PCNT: variants seen among roughly 807,000 people sequenced by gnomAD.
PCNT encodes pericentrin.
Under a neutral mutation model 380.4 loss-of-function variants are expected in PCNT, and 319 were observed. That is an observed-to-expected ratio of 0.84 (90% CI 0.77 to 0.92). The LOEUF is 0.92. Ranked by LOEUF, PCNT falls within the 40% of genes least tolerant of loss-of-function variation. PCNT has a pLI of 0.00. For synonymous variants in PCNT, 1,845 were observed against 1,735.2 expected, an observed-to-expected ratio of 1.06 and a Z score of -1.57; for missense variants, 4,400 against 4,255.3, an observed-to-expected ratio of 1.03 and a Z score of -0.95.
rs1031342257 is a variant in PCNT at position 46,325,032 on chromosome 21, A to G, written c.54+750A>G. On this transcript the variant is annotated intron_variant, in intron 1 of 46. Transcript: ENST00000359568. ...GCGGCGCTGGCGCCGGGCGCCTTCA[A>G]GGGACGCGCTCCCGTCTTTCTCCCG... The G allele has an allele frequency of 5.1e-6, 5 of 985,292 alleles. No homozygotes were observed. The Admixed American group carries it at 1.8e-4, about 36-fold the overall frequency. The allele number at this position is 985,292 out of a possible 1,614,324, so 61.0% of individuals were successfully genotyped here.
At chr21:46,422,647 A>G (rs2087303275) in intron 32 of PCNT, among the ~76,000 whole-genome samples, 1 of 152,238 alleles carries the variant, frequency 6.6e-6, no homozygotes, top group South Asian at 2.1e-4. Context: ...AAACTTGGCT[A>G]AACAAGTGAG....
Position 46,428,545 on chromosome 21 carries a change from G to A in PCNT, c.7645G>A (p.Ala2549Thr), listed in dbSNP as rs2839256. 0.09 allele frequency: 145,449 copies of A among 1,607,914 alleles called. 11,990 individuals carry two copies. Among genetic ancestry groups the A allele is most frequent in the African/African-American group, 0.44 (33,167 of 74,982 alleles). ...GCACTTGCGCACGGCGCTGACAAGCGCAGAGGCGCGCGGGAGCCAGCAGGA... is the reference window on the plus strand; with the variant it reads ...GCACTTGCGCACGGCGCTGACAAGCACAGAGGCGCGCGGGAGCCAGCAGGA... ...LQHLRTALTS[A>T]EARGSQQEHQ... The change falls in exon 35 of 47, where the codon GCA (alanine) becomes ACA (threonine). Residue 2549 changes from alanine (A) to threonine (T), a missense_variant. By Grantham distance (58) the Ala-to-Thr change is moderately conservative (BLOSUM62 0). Transcript: ENST00000359568.
At chr21:46,374,749 T>C (rs2085277441) in intron 15 of PCNT, among the ~76,000 whole-genome samples, 1 of 149,192 alleles carries the variant, frequency 6.7e-6, no homozygotes. Context: ...CTCGGGAGGC[T>C]GAGGCAAGAG....
intron 6 of PCNT, among the ~76,000 whole-genome samples, chr21:46,348,484 T>G (rs1311794438): frequency 1.3e-5 from 2 of 152,164 alleles, no homozygotes; most frequent in Non-Finnish European, 2.9e-5. Context: ...TGTTTTGTGG[T>G]GGGTGGTCCT....
intron 21 of PCNT, among the ~76,000 whole-genome samples, chr21:46,394,179 T>C (rs1468788693): frequency 6.6e-6 from 1 of 152,264 alleles, no homozygotes; most frequent in African/African-American, 2.4e-5. Context: ...GCCTAGGCTC[T>C]GACGGTGGCG....
intron 1 of PCNT, among the ~76,000 whole-genome samples, chr21:46,324,563 C>CGGG (rs1157871414): frequency 4.2e-5 from 3 of 71,802 alleles, no homozygotes; most frequent in African/African-American, 1.8e-4. Context: ...GCGCCTGCGT[C>CGGG]GGGGGGGGTG....
chr21:46,363,918 A>C lies in PCNT; in HGVS notation c.2593A>C (p.Met865Leu). 1 of 1,608,760 alleles carries C rather than the reference A, an allele frequency of 6.2e-7. No individual in the cohort carries two copies. The highest frequency in any genetic ancestry group is 8.5e-7 in the Non-Finnish European group (1 of 1,179,812). Residue 865 changes from methionine to leucine, a missense_variant, in exon 14 of 47, where the codon ATG (methionine) becomes CTG (leucine). Coordinates refer to ENST00000359568, the MANE Select transcript of PCNT (RefSeq NM_006031.6). ...HVKEDCALQL[M>L]LARSRFLEER... ...GAAGGAAGACTGCGCCCTGCAGCTG[A>C]TGCTGGCCCGGAGCAGGTGGGTTTG...
In PCNT at chr21:46,403,014, C is replaced by T. The variant is rs138244234; in HGVS notation, c.5115+531C>T. Among the ~76,000 whole-genome samples, 759 of 152,352 alleles carry T rather than the reference C, an allele frequency of 5.0e-3. 14 individuals are homozygous for T. The highest frequency in any genetic ancestry group is 0.012 in the East Asian group (61 of 5,188). Reference sequence around the variant, plus strand: ...AGCAAAAAAGAAAACCAAAACCAACCTGTTTATAGTAGAGATGATATTCAA... The same window carrying T: ...AGCAAAAAAGAAAACCAAAACCAACTTGTTTATAGTAGAGATGATATTCAA... On this transcript the variant is annotated intron_variant, in intron 27 of 46. Transcript: ENST00000359568.
Position 46,416,046 on chromosome 21 carries a change from C to T in PCNT, c.6151-23C>T, listed in dbSNP as rs1030740660. ...CTGGTGAGCCAGGTATTCCACCGTG[C>T]ACCTGTTCTGTTTCACCTGCAGGGT... On this transcript the variant is annotated intron_variant, in intron 29 of 46. Coordinates refer to ENST00000359568, the MANE Select transcript of PCNT (RefSeq NM_006031.6). 5 of 1,613,236 alleles carry T rather than the reference C, an allele frequency of 3.1e-6. No individual in the cohort carries two copies. The East Asian group carries it at 1.1e-4, about 36-fold the overall frequency.
chr21:46,353,038 G>C (rs1258313630), intron 9 of PCNT, 66 bp from the exon 10 acceptor site: 1 of 1,335,992 alleles, frequency 7.5e-7, no homozygotes, highest in Non-Finnish European at 1.1e-6. Flanking sequence ...CCAGGCTCTT[G>C]CCTCTCGCCT....
At chr21:46,393,110 C>T (rs2086088431) in intron 21 of PCNT, among the ~76,000 whole-genome samples, 2 of 152,148 alleles carry the variant, frequency 1.3e-5, no homozygotes, top group African/African-American at 2.4e-5. Flanking sequence ...GGGCTCAGGG[C>T]GGCGTCATCT....
intron 15 of PCNT, among the ~76,000 whole-genome samples, chr21:46,377,715 G>T (rs1348905554): frequency 6.6e-6 from 1 of 152,078 alleles, no homozygotes; most frequent in Non-Finnish European, 1.5e-5. Context: ...TGGCATGTTG[G>T]CGTGCCCATA....
chr21:46,336,070 A>G (rs1464354769), intron 3 of PCNT, among the ~76,000 whole-genome samples: 1 of 149,924 alleles, frequency 6.7e-6, no homozygotes, highest in African/African-American at 2.5e-5. Context: ...TCCGCCTCCC[A>G]GGTTCAAGTG....
chr21:46,410,117 C>T (rs563557228), intron 27 of PCNT, among the ~76,000 whole-genome samples: 17 of 152,350 alleles, frequency 1.1e-4, no homozygotes, highest in Non-Finnish European at 2.2e-4. Flanking sequence ...AGACAACGGC[C>T]GGTGCCGCAC....
Position 46,427,611 on chromosome 21 carries a change from T to C in PCNT, c.7321-11T>C, listed in dbSNP as rs2087563399. On this transcript the variant is annotated splice_polypyrimidine_tract_variant and intron_variant, in intron 33 of 46. Transcript: ENST00000359568. ...TTGTGAGGACGCCACGTTTCTTCCT[T>C]CTTCCTTTAGGAAGTGCCCACCGCG... 5 of 1,613,868 alleles carry C rather than the reference T, an allele frequency of 3.1e-6. No homozygotes were observed. Among genetic ancestry groups the C allele is most frequent in the South Asian group, 2.2e-5 (2 of 91,082 alleles).
At chr21:46,405,077 A>G (rs1399365723) in intron 27 of PCNT, among the ~76,000 whole-genome samples, 1 of 152,152 alleles carries the variant, frequency 6.6e-6, no homozygotes, top group Non-Finnish European at 1.5e-5. Context: ...ATCTCTACAA[A>G]TTTTTTTAAA....
intron 31 of PCNT, among the ~76,000 whole-genome samples, chr21:46,420,180 C>T (rs1388712137): frequency 6.6e-6 from 1 of 152,174 alleles, no homozygotes; most frequent in African/African-American, 2.4e-5. Flanking sequence ...GAGGCCTGCG[C>T]GGTCGGGGTG....
intron 15 of PCNT, among the ~76,000 whole-genome samples, chr21:46,374,945 T>G (rs2085287797): frequency 1.3e-5 from 2 of 152,094 alleles, no homozygotes; most frequent in Non-Finnish European, 2.9e-5. Context: ...GATGTCCTGT[T>G]CTTCCCCGCG....
chr21:46,402,382 A>G lies in PCNT; in HGVS notation c.5014A>G (p.Lys1672Glu), dbSNP rs780293128. ...AAAGATGAAAGGTGACTTAGAAAGT[A>G]AAAATGAAGAAATACTACATCTGAA... is the stretch of plus-strand genomic sequence containing the variant. ...LEKMKGDLES[K>E]NEEILHLNLK... Residue 1672 changes from lysine (K) to glutamate (E), a missense_variant, in exon 27 of 47, where the codon AAA (lysine) becomes GAA (glutamate). By Grantham distance (56) the Lys-to-Glu change is moderately conservative. Transcript: ENST00000359568. 5 of 1,612,224 alleles carry G rather than the reference A, an allele frequency of 3.1e-6. No individual in the cohort carries two copies. The South Asian group carries it at 5.5e-5, about 18-fold the overall frequency.
Sources: allele counts gnomAD v4.1 joint callset (sites outside exome capture counted in the v4.1 genomes callset), GRCh38; gene constraint gnomAD v4.1.1; transcripts MANE v1.5; gene names NCBI Gene and HGNC (gene_info 2026-07-23, HGNC 2026-07-21).